The following CNTNAP4 variants were observed in gnomAD, a reference collection of about 807,000 sequenced individuals.
The protein encoded by CNTNAP4 is contactin associated protein family member 4, also known as contactin-associated protein-like 4.
A neutral mutation model predicts 148.4 loss-of-function variants in CNTNAP4; 98 were observed. The observed-to-expected ratio is 0.66, with a 90% CI of 0.56 to 0.78. The LOEUF (loss-of-function observed/expected upper bound fraction) is 0.78. Ranked by LOEUF, CNTNAP4 falls within the 30% of genes least tolerant of loss-of-function variation. CNTNAP4 has a pLI of 0.00. For synonymous variants in CNTNAP4, 730 were observed against 565.1 expected, an observed-to-expected ratio of 1.29 and a Z score of -4.14; for missense variants, 1,935 against 1,565.6, an observed-to-expected ratio of 1.24 and a Z score of -3.98.
chr16:76,545,708 A>G (rs778888739), intron 21 of CNTNAP4, among the ~76,000 whole-genome samples: 3 of 152,164 alleles, frequency 2.0e-5, no homozygotes, highest in Non-Finnish European at 2.9e-5. Context: ...AAAAAGGAGA[A>G]AGGGATTGTT....
intron 21 of CNTNAP4, among the ~76,000 whole-genome samples, chr16:76,552,351 T>C (rs2084988325): frequency 6.6e-6 from 1 of 152,114 alleles, no homozygotes; most frequent in African/African-American, 2.4e-5. Flanking sequence ...TCAATAGTTG[T>C]GCTATTTTTT....
chr16:76,541,833 A>G lies in CNTNAP4; in HGVS notation c.3442+1043A>G, dbSNP rs115464405. ...AACAGGGGAAATACCATGAATTGCA[A>G]TGTTCTTCCATTATCTATAGTGGAC... On this transcript the variant is annotated intron_variant, in intron 21 of 23. Transcript: ENST00000611870. Among the ~76,000 whole-genome samples the G allele has an allele frequency of 4.8e-3, 735 of 152,290 alleles. 6 individuals are homozygous for G. The highest frequency in any genetic ancestry group is 0.017 in the African/African-American group (711 of 41,572).
intron 12 of CNTNAP4, among the ~76,000 whole-genome samples, chr16:76,483,200 A>G (rs1453257516): frequency 6.6e-6 from 1 of 151,042 alleles, no homozygotes; most frequent in Non-Finnish European, 1.5e-5. Context: ...CGATAGGTTG[A>G]TAAATATCTC....
At chr16:76,547,168 AAAAG>A (rs1395006993) in intron 21 of CNTNAP4, among the ~76,000 whole-genome samples, 1 of 152,232 alleles carries the variant, frequency 6.6e-6, no homozygotes, top group African/African-American at 2.4e-5. Context: ...AAATTATAGA[AAAAG>A]AAATCTCTCT....
chr16:76,299,985 G>T (rs1475680058), intron 1 of CNTNAP4, among the ~76,000 whole-genome samples: 2 of 152,080 alleles, frequency 1.3e-5, no homozygotes, highest in African/African-American at 4.8e-5. Context: ...TTGCACACTG[G>T]GGCCTGTTGT....
chr16:76,410,889 G>T (rs1336359785), intron 3 of CNTNAP4, among the ~76,000 whole-genome samples: 1 of 151,464 alleles, frequency 6.6e-6, no homozygotes, highest in Non-Finnish European at 1.5e-5. Flanking sequence ...TGTCTCAGAG[G>T]TTACCGAGTT....
intron 18 of CNTNAP4, 116 bp from the exon 19 acceptor site, chr16:76,538,000 G>A (rs2144265869): frequency 5.2e-6 from 2 of 382,364 alleles, no homozygotes; most frequent in East Asian, 4.4e-5. Context: ...TCTATTTTGG[G>A]GTTGGTTCTT....
rs1287307251 is a variant in CNTNAP4 at position 76,522,658 on chromosome 16, C to CCT, written c.2755+401_2755+402insCT. Among the ~76,000 whole-genome samples, 158 of 96,878 alleles carry CCT rather than the reference C, an allele frequency of 1.6e-3. 7 individuals carry two copies. Among genetic ancestry groups the CCT allele is most frequent in the Middle Eastern group, 4.8e-3 (1 of 210 alleles). The allele number at this position is 96,878 out of a possible 152,430, so 63.6% of individuals were successfully genotyped here. On this transcript the variant is annotated intron_variant, in intron 17 of 23. Transcript: ENST00000611870. Reference sequence around the variant, plus strand: ...CCTTCTTTCTTTCTTTTCTCTCTTTCTCTCTTTCCTTCTTTCTCTCTTTCT... The same window carrying CCT: ...CCTTCTTTCTTTCTTTTCTCTCTTTCCTTCTCTTTCCTTCTTTCTCTCTTTCT...
intron 12 of CNTNAP4, among the ~76,000 whole-genome samples, chr16:76,484,565 TGAG>T (rs2081958345): frequency 6.6e-6 from 1 of 152,032 alleles, no homozygotes; most frequent in South Asian, 2.1e-4. Flanking sequence ...GTTTTGCAAA[TGAG>T]GAAGCCAAGA....
intron 8 of CNTNAP4, among the ~76,000 whole-genome samples, chr16:76,455,517 C>T (rs1004483850): frequency 6.6e-6 from 1 of 152,192 alleles, no homozygotes; most frequent in Admixed American, 6.5e-5. Context: ...TTGAAATATT[C>T]CTAACTTTCG....
intron 17 of CNTNAP4, 31 bp from the exon 18 acceptor site, chr16:76,535,514 C>T: frequency 6.2e-7 from 1 of 1,608,562 alleles, no homozygotes; most frequent in South Asian, 1.1e-5. Flanking sequence ...CACCTAGGAA[C>T]ATGTTTCCAT....
At chr16:76,325,501 G>A (rs1962878315) in intron 2 of CNTNAP4, among the ~76,000 whole-genome samples, 1 of 152,052 alleles carries the variant, frequency 6.6e-6, no homozygotes, top group Admixed American at 6.6e-5. Context: ...ATTAATTAGA[G>A]AATACTTGAA....
intron 15 of CNTNAP4, among the ~76,000 whole-genome samples, chr16:76,520,042 A>G (rs2083396761): frequency 6.6e-6 from 1 of 152,208 alleles, no homozygotes; most frequent in Admixed American, 6.6e-5. Context: ...TCAGAGGATC[A>G]ACACATCTTT....
At chr16:76,356,094 C>T (rs138621901) in intron 3 of CNTNAP4, among the ~76,000 whole-genome samples, 3,166 of 151,880 alleles carry the variant, frequency 0.021, 109 homozygotes, top group African/African-American at 0.073. Context: ...AGGCTGGACT[C>T]GAACTCCTGG....
intron 17 of CNTNAP4, among the ~76,000 whole-genome samples, chr16:76,522,675 TCTC>T (rs879875356): frequency 0.025 from 2,505 of 101,020 alleles, 310 homozygotes; most frequent in Middle Eastern, 0.051. Flanking sequence ...TCCTTCTTTC[TCTC>T]TTTCTCTCCT....
At chr16:76,394,560 CT>C (rs1200062601) in intron 3 of CNTNAP4, among the ~76,000 whole-genome samples, 7 of 152,140 alleles carry the variant, frequency 4.6e-5, no homozygotes, top group East Asian at 3.9e-4. Flanking sequence ...TATGAGTAGG[CT>C]TTTTTCCCCC....
intron 21 of CNTNAP4, among the ~76,000 whole-genome samples, chr16:76,546,003 C>G (rs917978833): frequency 2.0e-5 from 3 of 151,160 alleles, no homozygotes; most frequent in Non-Finnish European, 2.9e-5. Context: ...CCATTGCACT[C>G]CAGCCTGGTG....
intron 15 of CNTNAP4, among the ~76,000 whole-genome samples, chr16:76,512,910 C>T (rs1597788297): frequency 6.6e-6 from 1 of 152,212 alleles, no homozygotes; most frequent in Non-Finnish European, 1.5e-5. Context: ...AAACTGAGAA[C>T]TGATAATGGC....
chr16:76,290,666 A>G (rs1040812126), intron 1 of CNTNAP4, among the ~76,000 whole-genome samples: 3 of 152,194 alleles, frequency 2.0e-5, no homozygotes, highest in Admixed American at 6.5e-5. Context: ...GCAAGATTGC[A>G]GCACTGCCTG....
Sources: allele counts gnomAD v4.1 joint callset (sites outside exome capture counted in the v4.1 genomes callset), GRCh38; gene constraint gnomAD v4.1.1; transcripts MANE v1.5; gene names NCBI Gene and HGNC (gene_info 2026-07-23, HGNC 2026-07-21).